Variants in PLXDC2 observed in about 807,000 individuals in gnomAD.
PLXDC2 encodes the protein plexin domain containing 2.
A neutral mutation model predicts 68.9 loss-of-function variants in PLXDC2; 40 were observed. The ratio of observed to expected loss-of-function variants is 0.58; its 90% CI spans 0.45 to 0.76. The LOEUF (loss-of-function observed/expected upper bound fraction) is 0.76, where lower values mean the gene tolerates loss of function less well. Among genes scored for constraint, PLXDC2 ranks in the 30% least tolerant of loss-of-function variants. PLXDC2 has a pLI of 0.00. For missense variants in PLXDC2, 644 were observed against 661.9 expected (o/e 0.97, Z 0.30); for synonymous variants, 243 against 234.2 (o/e 1.04, Z -0.34).
At chr10:19,868,843 G>A (rs1837471211) in intron 1 of PLXDC2, among the ~76,000 whole-genome samples, 1 of 152,246 alleles carries the variant, frequency 6.6e-6, no homozygotes, top group Middle Eastern at 3.4e-3. Context: ...CCAAGATGAA[G>A]CATATTTGTG....
chr10:19,837,525 C>A (rs1222225636), intron 1 of PLXDC2, among the ~76,000 whole-genome samples: 1 of 151,356 alleles, frequency 6.6e-6, no homozygotes, highest in Non-Finnish European at 1.5e-5. Context: ...TGGCTTAGGT[C>A]AGGTTCTGAT....
chr10:19,990,971 G>GCC (rs1380870115), intron 1 of PLXDC2, among the ~76,000 whole-genome samples: 1 of 152,146 alleles, frequency 6.6e-6, no homozygotes, highest in Non-Finnish European at 1.5e-5. Context: ...TTCAGGCCGG[G>GCC]CATGATGGCT....
At chr10:19,900,623 A>G (rs919326016) in intron 1 of PLXDC2, among the ~76,000 whole-genome samples, 1 of 151,848 alleles carries the variant, frequency 6.6e-6, no homozygotes, top group Non-Finnish European at 1.5e-5. Flanking sequence ...TTATTATTCA[A>G]TAGGTTTTGG....
At chr10:20,092,244 A>G (rs1833289718) in intron 4 of PLXDC2, among the ~76,000 whole-genome samples, 1 of 152,160 alleles carries the variant, frequency 6.6e-6, no homozygotes, top group East Asian at 1.9e-4. Context: ...AACTGATCAT[A>G]TGATTTTTAA....
At chr10:20,259,322 C>A (rs183908667) in intron 13 of PLXDC2, among the ~76,000 whole-genome samples, 1 of 152,172 alleles carries the variant, frequency 6.6e-6, no homozygotes, top group Non-Finnish European at 1.5e-5. Flanking sequence ...AGTGATTTAA[C>A]AGTAAATGCA....
chr10:20,188,739 GA>G lies in PLXDC2; in HGVS notation c.1061+11333del, dbSNP rs542565520. 1.4e-4 allele frequency among the ~76,000 whole-genome samples: 22 copies of G among 151,854 alleles called. No homozygotes were observed. The East Asian group carries it at 3.9e-3, about 27-fold the overall frequency. ...GCTAATGAAGTTGAGCCTGATAAAA[GA>G]AAGTAAGAAGCTTTTGAATAAGTGT... On this transcript the variant is annotated intron_variant, in intron 9 of 13. Coordinates refer to ENST00000377252, the MANE Select transcript of PLXDC2 (RefSeq NM_032812.9).
chr10:20,147,768 T>A lies in PLXDC2; in HGVS notation c.665-16T>A. On this transcript the variant is annotated splice_polypyrimidine_tract_variant and intron_variant, in intron 5 of 13. Transcript: ENST00000377252. ...TTTTTCTCATTGCATTTCTTCTTTT[T>A]TCAATGGGTGTATAGGCACAGCACT... 1 of 1,468,570 alleles carries A rather than the reference T, an allele frequency of 6.8e-7. No homozygotes were observed. Among genetic ancestry groups the A allele is most frequent in the African/African-American group, 1.4e-5 (1 of 71,290 alleles). 91.0% of individuals were successfully genotyped at this position (1,468,570 alleles called of 1,614,324 possible).
intron 1 of PLXDC2, among the ~76,000 whole-genome samples, chr10:19,985,072 G>C (rs1045306146): frequency 1.3e-5 from 2 of 152,102 alleles, no homozygotes; most frequent in Non-Finnish European, 2.9e-5. Flanking sequence ...AGCTGCGAAG[G>C]CTTATTTTCT....
intron 4 of PLXDC2, among the ~76,000 whole-genome samples, chr10:20,095,250 A>G (rs1016234459): frequency 1.3e-5 from 2 of 152,184 alleles, no homozygotes; most frequent in African/African-American, 2.4e-5. Flanking sequence ...AACTAGTTAC[A>G]TTTCATGTGC....
intron 2 of PLXDC2, among the ~76,000 whole-genome samples, chr10:20,022,111 C>A (rs925730643): frequency 2.0e-5 from 3 of 152,222 alleles, no homozygotes; most frequent in Admixed American, 2.0e-4. Flanking sequence ...CTCATTTACT[C>A]TCGGATTCTC....
intron 1 of PLXDC2, among the ~76,000 whole-genome samples, chr10:19,977,964 A>G (rs1471010628): frequency 6.6e-6 from 1 of 152,158 alleles, no homozygotes; most frequent in African/African-American, 2.4e-5. Context: ...CTTTCCAGAT[A>G]ATATGCCTCC....
intron 10 of PLXDC2, among the ~76,000 whole-genome samples, chr10:20,215,428 GA>G (rs1198253511): frequency 1.3e-5 from 2 of 152,070 alleles, no homozygotes; most frequent in African/African-American, 2.4e-5. Flanking sequence ...TGAATGGAGG[GA>G]AAGCAGTATA....
chr10:20,045,443 T>C (rs1028519221), intron 2 of PLXDC2, among the ~76,000 whole-genome samples: 1 of 152,184 alleles, frequency 6.6e-6, no homozygotes, highest in Non-Finnish European at 1.5e-5. Flanking sequence ...AGTGCTGGGA[T>C]TACAGGCATG....
intron 1 of PLXDC2, among the ~76,000 whole-genome samples, chr10:19,863,355 T>A (rs998958161): frequency 6.6e-6 from 1 of 152,206 alleles, no homozygotes; most frequent in African/African-American, 2.4e-5. Context: ...GACATTATGT[T>A]CTAGAAGTGC....
intron 4 of PLXDC2, among the ~76,000 whole-genome samples, chr10:20,131,370 G>A (rs1239096875): frequency 2.0e-5 from 3 of 151,670 alleles, no homozygotes; most frequent in Admixed American, 1.3e-4. Context: ...TATTTATATG[G>A]TATCAATTGT....
chr10:20,149,001 G>A (rs1025450682), intron 6 of PLXDC2, among the ~76,000 whole-genome samples: 4 of 151,874 alleles, frequency 2.6e-5, no homozygotes, highest in Admixed American at 1.3e-4. Flanking sequence ...TTTACTTGGG[G>A]GCAATTGTGT....
At chr10:20,021,710 AT>A (rs893302778) in intron 2 of PLXDC2, among the ~76,000 whole-genome samples, 1 of 131,664 alleles carries the variant, frequency 7.6e-6, no homozygotes, top group Non-Finnish European at 1.8e-5. Flanking sequence ...TATTATTTTT[AT>A]TTTTTTGAGA....
At chr10:20,051,447 C>G (rs1835899639) in intron 3 of PLXDC2, among the ~76,000 whole-genome samples, 1 of 120,858 alleles carries the variant, frequency 8.3e-6, no homozygotes, top group Non-Finnish European at 1.8e-5. Context: ...TATATATGTG[C>G]TATTATGGTT....
At chr10:19,954,396 A>T (rs1406745585) in intron 1 of PLXDC2, among the ~76,000 whole-genome samples, 1 of 152,200 alleles carries the variant, frequency 6.6e-6, no homozygotes, top group Non-Finnish European at 1.5e-5. Context: ...ACCCAGGAGT[A>T]AGCATCTAAC....
Sources: gnomAD v4.1 joint callset for allele counts (sites outside exome capture counted in the v4.1 genomes callset) on GRCh38, gnomAD v4.1.1 for gene constraint, MANE v1.5 for transcripts, NCBI Gene and HGNC (gene_info 2026-07-23, HGNC 2026-07-21) for gene names.